Variants in FKBP9 observed in about 807,000 individuals in gnomAD.
FKBP9 encodes the protein FKBP prolyl isomerase 9.
A neutral mutation model predicts 55.6 loss-of-function variants in FKBP9; 27 were observed. That is an observed-to-expected ratio of 0.49 (90% CI 0.36 to 0.67). The LOEUF (loss-of-function observed/expected upper bound fraction) is 0.67, where lower values mean the gene tolerates loss of function less well. FKBP9 is among the 30% of genes least tolerant of loss of function. The pLI is 0.00. For synonymous variants in FKBP9, 267 were observed against 296.5 expected (o/e 0.90, Z 1.02); for missense variants, 539 against 742.8 (o/e 0.73, Z 3.19).
intron 5 of FKBP9, among the ~76,000 whole-genome samples, chr7:32,983,134 G>A (rs769491039): frequency 1.1e-4 from 16 of 151,730 alleles, no homozygotes; most frequent in Non-Finnish European, 2.2e-4. Flanking sequence ...AGCGATTCTC[G>A]TGTCTCAGCC....
rs1219046736 is a variant in FKBP9 at position 32,974,632 on chromosome 7, C to T, written c.237C>T (p.Ser79=). Reference sequence around the variant, plus strand: ...GGGCCTTCAGCTATGACAGAGACTCCACTTTCAATGTGTTTGTGGGAAAAG... The same window carrying T: ...GGGCCTTCAGCTATGACAGAGACTCTACTTTCAATGTGTTTGTGGGAAAAG... ...QKFDSSYDRD[S]TFNVFVGKGQ... is the part of the protein sequence containing the mutation. The change falls in exon 2 of 10, where the codon TCC becomes TCT. Residue 79 remains serine, a synonymous_variant. Coordinates refer to ENST00000242209, the MANE Select transcript of FKBP9 (RefSeq NM_007270.5). The T allele has an allele frequency of 6.2e-7, 1 of 1,613,562 alleles. No individual in the cohort carries two copies. Among genetic ancestry groups the T allele is most frequent in the Non-Finnish European group, 8.5e-7 (1 of 1,179,720 alleles).
chr7:32,968,534 T>C (rs1784191671), intron 1 of FKBP9, among the ~76,000 whole-genome samples: 1 of 151,974 alleles, frequency 6.6e-6, no homozygotes, highest in Non-Finnish European at 1.5e-5. Context: ...TTCTAACAAG[T>C]GTGTGTGAGG....
intron 1 of FKBP9, among the ~76,000 whole-genome samples, chr7:32,966,602 C>T (rs979601877): frequency 3.3e-5 from 5 of 152,128 alleles, no homozygotes; most frequent in African/African-American, 4.8e-5. Context: ...GCCATTGGGA[C>T]ATTGTGATAA....
chr7:32,979,001 G>C (rs1784414787), intron 4 of FKBP9, among the ~76,000 whole-genome samples: 1 of 152,180 alleles, frequency 6.6e-6, no homozygotes, highest in African/African-American at 2.4e-5. Flanking sequence ...GGGCGCAGTG[G>C]CTGCCGCCTG....
rs1785044910 is a variant in FKBP9, at chr7:33,006,538, T to C, written c.*1187T>C. On this transcript the variant is annotated 3_prime_UTR_variant, in exon 10 of 10. Transcript: ENST00000242209. ...CCCGCTGGTCACTCAACAGAGTATT[T>C]CCCTTGGCCGAGATGGAAGTTTTGT... 4.9e-6 allele frequency: 1 copy of C among 202,818 alleles called. No individual in the cohort carries two copies. The highest frequency in any genetic ancestry group is 1.0e-5 in the Non-Finnish European group (1 of 98,864). The allele number at this position is 202,818 out of a possible 1,614,324, so 12.6% of individuals were successfully genotyped here. A position where few individuals can be genotyped will look rare whatever the true frequency, so the allele number is the denominator to read the frequency against.
intron 8 of FKBP9, 61 bp from the exon 9 acceptor site, chr7:33,002,615 T>C (rs1165878127): frequency 2.5e-6 from 4 of 1,588,534 alleles, no homozygotes; most frequent in Non-Finnish European, 2.6e-6. Flanking sequence ...TGGGTGCTGG[T>C]TGTTGGGCTT....
rs767230201 is a variant in FKBP9, at chr7:32,996,247, C to G, written c.1124C>G (p.Ser375Cys). 1.2e-6 allele frequency: 2 copies of G among 1,613,948 alleles called. No individual in the cohort carries two copies. The highest frequency in any genetic ancestry group is 2.2e-5 in the East Asian group (1 of 44,896). Residue 375 changes from serine to cysteine, a missense_variant, in exon 7 of 10, where the codon TCC becomes TGC. Coordinates refer to ENST00000242209, the MANE Select transcript of FKBP9 (RefSeq NM_007270.5). ...CCTTCGGACTCCATCAGCATCACCT[C>G]CCACTACAAACCCCCTGACTGCTCA... ...HNPSDSISIT[S>C]HYKPPDCSVL...
intron 1 of FKBP9, among the ~76,000 whole-genome samples, chr7:32,960,235 C>T (rs1049374566): frequency 8.6e-5 from 13 of 151,856 alleles, no homozygotes; most frequent in Non-Finnish European, 8.8e-5. Context: ...TTACCTCAGC[C>T]TCCTGAGTAG....
chr7:32,991,021 T>G (rs1003011132), intron 6 of FKBP9, among the ~76,000 whole-genome samples: 3 of 152,222 alleles, frequency 2.0e-5, no homozygotes, highest in African/African-American at 7.2e-5. Flanking sequence ...ACATCCTGCT[T>G]GTCTAGTGTC....
At chr7:32,960,208 G>A (rs1212856297) in intron 1 of FKBP9, among the ~76,000 whole-genome samples, 2 of 140,938 alleles carry the variant, frequency 1.4e-5, no homozygotes, top group African/African-American at 5.3e-5. Flanking sequence ...CCTGCCTCCC[G>A]GGTTCAAGCA....
chr7:32,959,425 C>CA (rs1783974809), intron 1 of FKBP9, among the ~76,000 whole-genome samples: 2 of 152,076 alleles, frequency 1.3e-5, no homozygotes, highest in African/African-American at 4.8e-5. Flanking sequence ...AAACAAAAAA[C>CA]AAAAAACGAA....
rs550574275 is a variant in FKBP9 at position 32,969,521 on chromosome 7, A to G, written c.222-5096A>G. Among the ~76,000 whole-genome samples the G allele has an allele frequency of 8.2e-3, 1,248 of 152,238 alleles. 20 individuals are homozygous for G. Among genetic ancestry groups the G allele is most frequent in the African/African-American group, 0.029 (1,191 of 41,532 alleles). On this transcript the variant is annotated intron_variant, in intron 1 of 9. Transcript: ENST00000242209. ...TGTGTAGCCTTAGCCCTTGTCAAAGATCATTTGACCATATAGGCAAAAGTT... is the reference window on the plus strand; with the variant it reads ...TGTGTAGCCTTAGCCCTTGTCAAAGGTCATTTGACCATATAGGCAAAAGTT...
At chr7:32,958,796 G>T (rs1395474993) in intron 1 of FKBP9, among the ~76,000 whole-genome samples, 1 of 152,134 alleles carries the variant, frequency 6.6e-6, no homozygotes, top group Non-Finnish European at 1.5e-5. Flanking sequence ...CTGCTCTCCC[G>T]TTTCCCTCCA....
rs564879154 is a variant in FKBP9 at position 32,983,791 on chromosome 7, T to C, written c.893+3238T>C. Among the ~76,000 whole-genome samples, 50 of 152,330 alleles carry C rather than the reference T, an allele frequency of 3.3e-4. 1 individual carries two copies. The highest frequency in any genetic ancestry group is 1.2e-3 in the African/African-American group (48 of 41,580). Reference sequence around the variant, plus strand: ...AAAACAATGATACCTGTGGTTTTAATCTGAATTTTCTATTGCTATTGGGAT... The same window carrying C: ...AAAACAATGATACCTGTGGTTTTAACCTGAATTTTCTATTGCTATTGGGAT... On this transcript the variant is annotated intron_variant, in intron 5 of 9. Coordinates refer to ENST00000242209, the MANE Select transcript of FKBP9 (RefSeq NM_007270.5).
At chr7:32,977,169 T>C (rs1784377598) in intron 4 of FKBP9, among the ~76,000 whole-genome samples, 1 of 152,248 alleles carries the variant, frequency 6.6e-6, no homozygotes, top group Non-Finnish European at 1.5e-5. Flanking sequence ...TAATATTGAC[T>C]GATAAATGGA....
At chr7:32,986,515 C>T (rs1407169453) in intron 5 of FKBP9, among the ~76,000 whole-genome samples, 1 of 152,224 alleles carries the variant, frequency 6.6e-6, no homozygotes, top group African/African-American at 2.4e-5. Context: ...TGTTCCCCTC[C>T]AGGCCTTCCT....
rs781752965 is a variant in FKBP9 at position 32,957,564 on chromosome 7, C to T, written c.-10C>T. 2.3e-5 allele frequency: 33 copies of T among 1,450,176 alleles called. No homozygotes were observed. Among genetic ancestry groups the T allele is most frequent in the South Asian group, 1.9e-4 (14 of 73,802 alleles). The allele number at this position is 1,450,176 out of a possible 1,614,324, so 89.8% of individuals were successfully genotyped here. The stretch of plus-strand genomic sequence containing the variant: ...CGCGCTGCGTCCGCGCCACTCTTCT[C>T]GCCGCCCCGATGGCGTTCCGGGGCT... On this transcript the variant is annotated 5_prime_UTR_variant, in exon 1 of 10. Coordinates refer to ENST00000242209, the MANE Select transcript of FKBP9 (RefSeq NM_007270.5).
chr7:32,980,686 T>C, intron 5 of FKBP9, 133 bp downstream of exon 5: 3 of 1,363,884 alleles, frequency 2.2e-6, no homozygotes, highest in Non-Finnish European at 3.0e-6. Context: ...TACAAGTTTC[T>C]GTTTTCTGAT....
intron 1 of FKBP9, among the ~76,000 whole-genome samples, chr7:32,968,900 C>A (rs977452530): frequency 1.3e-5 from 2 of 151,902 alleles, no homozygotes; most frequent in Non-Finnish European, 2.9e-5. Context: ...TCAGTTGATC[C>A]GCCCACCTCA....
Sources: allele counts gnomAD v4.1 joint callset (sites outside exome capture counted in the v4.1 genomes callset), GRCh38; gene constraint gnomAD v4.1.1; transcripts MANE v1.5; gene names NCBI Gene and HGNC (gene_info 2026-07-23, HGNC 2026-07-21).